The following NFIA variants were observed in gnomAD, a reference collection of about 807,000 sequenced individuals.
NFIA encodes the protein nuclear factor 1 A-type.
Under a neutral mutation model 62.8 loss-of-function variants are expected in NFIA, and 8 were observed. The ratio of observed to expected loss-of-function variants is 0.13; its 90% CI spans 0.07 to 0.23. NFIA has a LOEUF of 0.23. Ranked by LOEUF, NFIA falls within the 10% of genes least tolerant of loss-of-function variation. The pLI, the probability that NFIA is intolerant of heterozygous loss-of-function variation, is 1.00. For missense variants in NFIA, 410 were observed against 642.1 expected, an observed-to-expected ratio of 0.64 and a Z score of 3.91; for synonymous variants, 235 against 238.1, an observed-to-expected ratio of 0.99 and a Z score of 0.12.
At chr1:61,451,082 G>A (rs1050649094) in intron 10 of NFIA, among the ~76,000 whole-genome samples, 30 of 152,100 alleles carry the variant, frequency 2.0e-4, no homozygotes, top group Admixed American at 6.6e-4. Flanking sequence ...TCTGTGAGGC[G>A]TACGAAATGG....
intron 3 of NFIA, among the ~76,000 whole-genome samples, chr1:61,318,603 G>A (rs1480419492): frequency 6.6e-6 from 1 of 152,140 alleles, no homozygotes; most frequent in Non-Finnish European, 1.5e-5. Flanking sequence ...AGTTGCTCTG[G>A]GAATTGAATT....
chr1:61,111,898 G>A (rs1646699986), intron 2 of NFIA, among the ~76,000 whole-genome samples: 1 of 152,138 alleles, frequency 6.6e-6, no homozygotes, highest in Non-Finnish European at 1.5e-5. Context: ...AAATTGTAAA[G>A]ACATGAAAGT....
intron 2 of NFIA, among the ~76,000 whole-genome samples, chr1:61,119,521 C>G (rs1156261567): frequency 6.6e-6 from 1 of 152,110 alleles, no homozygotes; most frequent in Non-Finnish European, 1.5e-5. Flanking sequence ...TTGCACTGTT[C>G]TTCATTTTTA....
Position 61,453,082 on chromosome 1 carries a change from A to G in NFIA, c.1513-2221A>G, listed in dbSNP as rs544026380. 3.3e-5 allele frequency among the ~76,000 whole-genome samples: 5 copies of G among 152,318 alleles called. No individual in the cohort carries two copies. In the East Asian group the frequency reaches 9.6e-4, roughly 29 times the overall value. ...CCAAGTGCCAGAGAAAGACAGATTAATTAAATATACAACAATGTTGGTTTT... is the reference window on the plus strand; with the variant it reads ...CCAAGTGCCAGAGAAAGACAGATTAGTTAAATATACAACAATGTTGGTTTT... On this transcript the variant is annotated intron_variant, in intron 10 of 10. Coordinates refer to ENST00000403491, the MANE Select transcript of NFIA (RefSeq NM_001134673.4).
At chr1:61,453,235 G>A (rs988184966) in intron 10 of NFIA, among the ~76,000 whole-genome samples, 2 of 152,056 alleles carry the variant, frequency 1.3e-5, no homozygotes, top group African/African-American at 4.8e-5. Context: ...AGGGTTTCTT[G>A]CTAATGATAG....
chr1:61,399,267 G>A (rs1665435040), intron 7 of NFIA, among the ~76,000 whole-genome samples: 1 of 152,230 alleles, frequency 6.6e-6, no homozygotes, highest in African/African-American at 2.4e-5. Context: ...GGGCTCAGGA[G>A]TGATTATTCG....
intron 2 of NFIA, among the ~76,000 whole-genome samples, chr1:61,110,405 A>G (rs1646675595): frequency 6.6e-6 from 1 of 152,028 alleles, no homozygotes; most frequent in Admixed American, 6.6e-5. Flanking sequence ...CATAGAGATT[A>G]TTTGGGAGAA....
chr1:61,144,632 A>G (rs1189411677), intron 2 of NFIA, among the ~76,000 whole-genome samples: 1 of 152,170 alleles, frequency 6.6e-6, no homozygotes, highest in African/African-American at 2.4e-5. Flanking sequence ...TAGTTTCTTC[A>G]TTGTGCAAAT....
intron 3 of NFIA, among the ~76,000 whole-genome samples, chr1:61,304,927 C>T (rs1659685822): frequency 6.6e-6 from 1 of 152,186 alleles, no homozygotes; most frequent in Admixed American, 6.5e-5. Context: ...GTGCTTGTCT[C>T]ATAGCAGGGG....
intron 3 of NFIA, among the ~76,000 whole-genome samples, chr1:61,300,399 G>A (rs1002864005): frequency 6.6e-6 from 1 of 151,956 alleles, no homozygotes; most frequent in African/African-American, 2.4e-5. Flanking sequence ...AAATTTTTAA[G>A]AACAAGGCCA....
intron 2 of NFIA, among the ~76,000 whole-genome samples, chr1:61,183,898 G>A (rs1374707775): frequency 1.3e-5 from 2 of 151,806 alleles, no homozygotes; most frequent in Non-Finnish European, 2.9e-5. Context: ...AAACGTACAC[G>A]TGCGCAAACT....
chr1:61,399,884 G>T (rs1490243270), intron 7 of NFIA, among the ~76,000 whole-genome samples: 1 of 151,898 alleles, frequency 6.6e-6, no homozygotes, highest in Non-Finnish European at 1.5e-5. Flanking sequence ...TAGAAGTCTT[G>T]CAACATATCC....
In NFIA at chr1:61,380,677, G is replaced by A. The variant is rs189501127; in HGVS notation, c.947-2560G>A. ...TATAATAAGGAAATGTGCTCAATAC[G>A]AACTCTTTAAAAATTGAAAACACAA... On this transcript the variant is annotated intron_variant, in intron 6 of 10. Transcript: ENST00000403491. Among the ~76,000 whole-genome samples, 169 of 152,114 alleles carry A rather than the reference G, an allele frequency of 1.1e-3. 1 individual carries two copies. The Middle Eastern group carries it at 0.037, about 34-fold the overall frequency.
At chr1:61,243,677 A>G (rs769626729) in intron 2 of NFIA, among the ~76,000 whole-genome samples, 1 of 152,232 alleles carries the variant, frequency 6.6e-6, no homozygotes, top group African/African-American at 2.4e-5. Flanking sequence ...ATGAGTATGT[A>G]AGCAAGTAGA....
chr1:61,234,406 C>T (rs1654864299), intron 2 of NFIA, among the ~76,000 whole-genome samples: 1 of 148,850 alleles, frequency 6.7e-6, no homozygotes, highest in Non-Finnish European at 1.5e-5. Context: ...CCTGAGACCA[C>T]AGACCCAGCT....
At chr1:61,367,028 TTTCG>T (rs1313500297) in intron 6 of NFIA, among the ~76,000 whole-genome samples, 1 of 152,216 alleles carries the variant, frequency 6.6e-6, no homozygotes, top group Non-Finnish European at 1.5e-5. Context: ...TCAAAGAATA[TTTCG>T]GTAAACATCT....
intron 10 of NFIA, among the ~76,000 whole-genome samples, chr1:61,439,804 A>C (rs779255615): frequency 5.3e-5 from 8 of 152,228 alleles, no homozygotes; most frequent in Middle Eastern, 6.3e-3. Context: ...TTACAAGTGA[A>C]AAATAGACTT....
At chr1:61,428,543 C>CA (rs1180998814) in intron 10 of NFIA, among the ~76,000 whole-genome samples, 4 of 151,562 alleles carry the variant, frequency 2.6e-5, no homozygotes, top group South Asian at 4.2e-4. Context: ...ATTTTTCCCC[C>CA]AAAAAAAGAT....
At chr1:61,152,278 T>C (rs1417499326) in intron 2 of NFIA, among the ~76,000 whole-genome samples, 1 of 152,170 alleles carries the variant, frequency 6.6e-6, no homozygotes, top group African/African-American at 2.4e-5. Context: ...AACTTCAACC[T>C]TTTATACAAA....
Sources: allele counts gnomAD v4.1 joint callset (sites outside exome capture counted in the v4.1 genomes callset), GRCh38; gene constraint gnomAD v4.1.1; transcripts MANE v1.5; gene names NCBI Gene and HGNC (gene_info 2026-07-23, HGNC 2026-07-21).